Variants in PDE4D observed in about 807,000 individuals in gnomAD.
The protein encoded by PDE4D is 3',5'-cyclic-AMP phosphodiesterase 4D.
In PDE4D, 24 loss-of-function variants were observed where a neutral mutation model predicts 87.4. The ratio of observed to expected loss-of-function variants is 0.27; its 90% CI spans 0.20 to 0.39. The LOEUF (loss-of-function observed/expected upper bound fraction) is 0.39. Among genes scored for constraint, PDE4D ranks in the 10% least tolerant of loss-of-function variants. PDE4D has a pLI of 1.00. For missense variants in PDE4D, 714 were observed against 1,041.0 expected, an observed-to-expected ratio of 0.69 and a Z score of 4.32; for synonymous variants, 384 against 383.2, an observed-to-expected ratio of 1.00 and a Z score of -0.02.
intron 1 of PDE4D, among the ~76,000 whole-genome samples, chr5:59,526,838 C>A (rs1813236217): frequency 6.6e-6 from 1 of 152,090 alleles, no homozygotes; most frequent in Admixed American, 6.5e-5. Flanking sequence ...ATTGCCCAGG[C>A]TGGTCTCAAA....
chr5:59,544,101 C>T lies in PDE4D; in HGVS notation c.456-328133G>A, dbSNP rs183708075. Among the ~76,000 whole-genome samples the T allele has an allele frequency of 7.9e-3, 1,196 of 152,180 alleles. 6 individuals carry two copies. The highest frequency in any genetic ancestry group is 0.02 in the Middle Eastern group (6 of 294). Reference sequence around the variant, plus strand: ...AGCTTCACAACTGGGGCATGCAGACCATAAATCCTGTAGTGGCAGGAGGGG... The same window carrying T: ...AGCTTCACAACTGGGGCATGCAGACTATAAATCCTGTAGTGGCAGGAGGGG... On this transcript the variant is annotated intron_variant, in intron 1 of 14. Transcript: ENST00000340635.
chr5:59,704,575 A>C (rs1323059704), intron 1 of PDE4D, among the ~76,000 whole-genome samples: 1 of 152,180 alleles, frequency 6.6e-6, no homozygotes, highest in Non-Finnish European at 1.5e-5. Context: ...GAGATAACAC[A>C]CTTGAGTTCC....
At chr5:60,076,924 G>T (rs555369746) in intron 2 of PDE4D, among the ~76,000 whole-genome samples, 60 of 152,340 alleles carry the variant, frequency 3.9e-4, no homozygotes, top group African/African-American at 1.4e-3. Flanking sequence ...GTGGCCACAT[G>T]GCGACATGGC....
At chr5:60,152,665 A>G (rs1231531628) in intron 2 of PDE4D, among the ~76,000 whole-genome samples, 1 of 151,736 alleles carries the variant, frequency 6.6e-6, no homozygotes, top group Non-Finnish European at 1.5e-5. Flanking sequence ...AAAAAAAAAA[A>G]AAAAGAAAAA....
chr5:59,921,820 A>T (rs1359746379), intron 3 of PDE4D, among the ~76,000 whole-genome samples: 1 of 152,204 alleles, frequency 6.6e-6, no homozygotes, highest in Non-Finnish European at 1.5e-5. Flanking sequence ...TCCACCAATC[A>T]TCCTCCTTGT....
At chr5:60,211,038 G>A (rs1743149329) in intron 1 of PDE4D, among the ~76,000 whole-genome samples, 1 of 152,190 alleles carries the variant, frequency 6.6e-6, no homozygotes, top group Non-Finnish European at 1.5e-5. Context: ...GGCGCGACAG[G>A]AGCCGGCCAA....
intron 1 of PDE4D, among the ~76,000 whole-genome samples, chr5:59,409,147 CAAAA>C (rs34575207): frequency 8.6e-6 from 1 of 116,556 alleles, no homozygotes; most frequent in Non-Finnish European, 1.8e-5. Context: ...GACTCCATTT[CAAAA>C]AAAAAAAAAA....
At chr5:59,069,513 T>TC (rs1764418317) in intron 5 of PDE4D, among the ~76,000 whole-genome samples, 2 of 46,024 alleles carry the variant, frequency 4.3e-5, no homozygotes, top group Admixed American at 2.3e-4. Context: ...AACAAGAAGC[T>TC]TTTTTTTTTT....
chr5:60,055,531 A>G (rs951636532), intron 2 of PDE4D, among the ~76,000 whole-genome samples: 3 of 152,152 alleles, frequency 2.0e-5, no homozygotes, highest in African/African-American at 7.2e-5. Context: ...AGCCTTCTAC[A>G]CAAAATGTAT....
At chr5:59,351,763 G>A (rs1018493547) in intron 1 of PDE4D, among the ~76,000 whole-genome samples, 2 of 152,070 alleles carry the variant, frequency 1.3e-5, no homozygotes, top group African/African-American at 4.8e-5. Flanking sequence ...TAGGTTAGAG[G>A]ACAGTTTAGA....
intron 3 of PDE4D, among the ~76,000 whole-genome samples, chr5:59,979,551 T>C (rs944578717): frequency 6.6e-6 from 1 of 152,030 alleles, no homozygotes; most frequent in African/African-American, 2.4e-5. Context: ...AAGGTCTCAC[T>C]TTAACGAAGC....
intron 1 of PDE4D, among the ~76,000 whole-genome samples, chr5:59,572,475 GTTTTT>G (rs1266502462): frequency 6.6e-6 from 1 of 150,782 alleles, no homozygotes; most frequent in Non-Finnish European, 1.5e-5. Flanking sequence ...GTTTTGTTTT[GTTTTT>G]GTTTTTGTTT....
intron 1 of PDE4D, among the ~76,000 whole-genome samples, chr5:60,350,075 T>C (rs1013093162): frequency 2.6e-5 from 4 of 152,162 alleles, no homozygotes; most frequent in Non-Finnish European, 4.4e-5. Flanking sequence ...AATAGCACCA[T>C]CTGTTAGAAC....
At chr5:59,052,954 CT>C (rs1561394741) in intron 5 of PDE4D, among the ~76,000 whole-genome samples, 2 of 151,968 alleles carry the variant, frequency 1.3e-5, no homozygotes. Flanking sequence ...TCCTCCCTAT[CT>C]TTTTTTAAAA....
rs1350205394 is a variant in PDE4D, at chr5:59,893,154, C to T, written c.455+14G>A. On this transcript the variant is annotated intron_variant, in intron 1 of 14. Transcript: ENST00000340635. ...CCCTTTGCCTGAATGGGGGAGGGGG[C>T]GCTCTCCACTCACCGCCTGAGTCCC... 6.5e-7 allele frequency: 1 copy of T among 1,549,612 alleles called. No homozygotes were observed. Among genetic ancestry groups the T allele is most frequent in the Non-Finnish European group, 8.7e-7 (1 of 1,146,636 alleles).
chr5:59,489,036 C>T (rs1356542570), intron 1 of PDE4D, among the ~76,000 whole-genome samples: 1 of 151,946 alleles, frequency 6.6e-6, no homozygotes, highest in Non-Finnish European at 1.5e-5. Context: ...CCTGTAATCC[C>T]AGCACTTTGG....
Position 59,954,513 on chromosome 5 carries a change from C to T in PDE4D, c.272+33975G>A, listed in dbSNP as rs144854476. On this transcript the variant is annotated intron_variant, in intron 3 of 16. Transcript: ENST00000502484. ...GACCTAAAATTGTAGGGAAAAAAGC[C>T]GGGAAGATTAACAAGTCAGAAATGG... 1.7e-3 allele frequency among the ~76,000 whole-genome samples: 257 copies of T among 151,934 alleles called. 1 individual carries two copies. Among genetic ancestry groups the T allele is most frequent in the Middle Eastern group, 6.8e-3 (2 of 294 alleles).
At chr5:60,347,307 G>A (rs993889403) in intron 1 of PDE4D, among the ~76,000 whole-genome samples, 1 of 152,104 alleles carries the variant, frequency 6.6e-6, no homozygotes, top group African/African-American at 2.4e-5. Context: ...AAGTTAAGGA[G>A]CAGGAGAAAG....
intron 2 of PDE4D, among the ~76,000 whole-genome samples, chr5:59,209,383 A>T (rs1365295739): frequency 1.3e-5 from 2 of 152,056 alleles, no homozygotes; most frequent in African/African-American, 4.8e-5. Flanking sequence ...ACAGGGTTTC[A>T]CCATGTTGCC....
Sources: gnomAD v4.1 joint callset for allele counts (sites outside exome capture counted in the v4.1 genomes callset) on GRCh38, gnomAD v4.1.1 for gene constraint, MANE v1.5 for transcripts, NCBI Gene and HGNC (gene_info 2026-07-23, HGNC 2026-07-21) for gene names.